NPAS1: variants seen among roughly 807,000 people sequenced by gnomAD.
NPAS1 encodes neuronal PAS domain protein 1.
A neutral mutation model predicts 49.2 loss-of-function variants in NPAS1; 29 were observed. The observed-to-expected ratio is 0.59, with a 90% confidence interval of 0.44 to 0.80. The LOEUF (loss-of-function observed/expected upper bound fraction) is 0.80, where lower values mean the gene tolerates loss of function less well. NPAS1 is among the 30% of genes least tolerant of loss of function. The probability of loss-of-function intolerance (pLI) is 0.00; values close to 1 mark genes in which losing one functional copy is unlikely to be tolerated. For missense variants in NPAS1, 825 were observed against 835.5 expected (o/e 0.99, Z 0.15); for synonymous variants, 408 against 380.4 (o/e 1.07, Z -0.84).
intron 3 of NPAS1, among the ~76,000 whole-genome samples, chr19:47,030,000 T>G (rs2122474227): frequency 6.6e-6 from 1 of 152,178 alleles, no homozygotes; most frequent in South Asian, 2.1e-4. Context: ...CTTTCTGTGT[T>G]TTTTGTTTTG....
rs913166682 is a variant in NPAS1 at position 47,021,532 on chromosome 19, G to C, written c.123-80G>C. ...CGTCCCGTCCCGTTCCCAAGGCCCC[G>C]GGAGGCGGGGCTCGCCCCCAGTTCC... On this transcript the variant is annotated intron_variant, in intron 2 of 11. Transcript: ENST00000602212. This position sits in a 1 kb window ranked among gnomAD's most constrained non-coding sequence, Gnocchi z 5.7. 1.0e-4 allele frequency: 99 copies of C among 976,128 alleles called. No homozygotes were observed. Among genetic ancestry groups the C allele is most frequent in the Non-Finnish European group, 1.4e-4 (97 of 698,788 alleles). The allele number at this position is 976,128 out of a possible 1,614,324, so 60.5% of individuals were successfully genotyped here. A position where few individuals can be genotyped will look rare whatever the true frequency, so the allele number is the denominator to read the frequency against.
intron 6 of NPAS1, among the ~76,000 whole-genome samples, chr19:47,036,510 G>A (rs976468453): frequency 6.6e-6 from 1 of 152,178 alleles, no homozygotes; most frequent in African/African-American, 2.4e-5. Context: ...GGAGGCCCAG[G>A]GGGGCGGATC....
At chr19:47,041,325 C>A (rs1455853660) in intron 10 of NPAS1, among the ~76,000 whole-genome samples, 200 bp downstream of exon 10, 1 of 151,994 alleles carries the variant, frequency 6.6e-6, no homozygotes, top group East Asian at 1.9e-4. Flanking sequence ...AGAGAGGAGT[C>A]GCCAGGGGGA....
intron 5 of NPAS1, among the ~76,000 whole-genome samples, chr19:47,034,319 A>C (rs1331344254): frequency 2.0e-5 from 3 of 151,100 alleles, no homozygotes; most frequent in Non-Finnish European, 4.4e-5. Context: ...CGTCTCAAAA[A>C]AAAAAAAAAA....
intron 1 of NPAS1, chr19:47,020,752 C>T: frequency 5.1e-6 from 1 of 196,240 alleles, no homozygotes; most frequent in East Asian, 1.4e-4. Flanking sequence ...GGAGCCGGCC[C>T]GGCGCGGGCG....
intron 11 of NPAS1, among the ~76,000 whole-genome samples, chr19:47,043,210 C>T (rs1444814961): frequency 2.0e-5 from 3 of 149,114 alleles, no homozygotes; most frequent in Non-Finnish European, 4.4e-5. Flanking sequence ...GCAGGAGAAT[C>T]GCTTGAACCC....
At chr19:47,042,318 C>G (rs2057030745) in intron 10 of NPAS1, among the ~76,000 whole-genome samples, 1 of 152,068 alleles carries the variant, frequency 6.6e-6, no homozygotes, top group Non-Finnish European at 1.5e-5. Flanking sequence ...CAAAAACAAG[C>G]AAGCAAACAA....
At chr19:47,024,120 T>TA (rs1232219361) in intron 3 of NPAS1, among the ~76,000 whole-genome samples, 1 of 150,988 alleles carries the variant, frequency 6.6e-6, no homozygotes, top group African/African-American at 2.4e-5. Context: ...TATATAAAAA[T>TA]AAAAATAAAT....
chr19:47,040,868 T>C, intron 9 of NPAS1, 110 bp from the exon 10 acceptor site: 1 of 912,042 alleles, frequency 1.1e-6, no homozygotes, highest in Non-Finnish European at 1.6e-6. Flanking sequence ...ACCGTCTCCC[T>C]GCCCACTCCC....
At chr19:47,037,281 G>A (rs1021998828) in intron 6 of NPAS1, among the ~76,000 whole-genome samples, 2 of 145,730 alleles carry the variant, frequency 1.4e-5, no homozygotes, top group African/African-American at 5.1e-5. Context: ...AACCTGGGAG[G>A]TGGAGGTTGC....
chr19:47,039,207 G>A (rs2056992261), intron 7 of NPAS1, 56 bp downstream of exon 7: 1 of 1,524,998 alleles, frequency 6.6e-7, no homozygotes, highest in African/African-American at 1.4e-5. Flanking sequence ...CCAGATTGAG[G>A]GTGACCGAGG....
rs963362094 is a variant in NPAS1 at position 47,021,332 on chromosome 19, C to G, written c.122+163C>G. 6.6e-6 allele frequency among the ~76,000 whole-genome samples: 1 copy of G among 152,228 alleles called. No individual in the cohort carries two copies. The highest frequency in any genetic ancestry group is 1.5e-5 in the Non-Finnish European group (1 of 68,040). ...GTTAACTACCGTCCTGAGCCCGGTC[C>G]CCTGCGTTCTGCTTCTAGTCCCGGT... On this transcript the variant is annotated intron_variant, in intron 2 of 11. Coordinates refer to ENST00000602212, the MANE Select transcript of NPAS1 (RefSeq NM_002517.4). The surrounding 1 kb of genome is among the most constrained non-coding windows in gnomAD (Gnocchi z 5.7).
intron 6 of NPAS1, among the ~76,000 whole-genome samples, chr19:47,037,733 C>T (rs1054763658): frequency 1.3e-5 from 2 of 152,124 alleles, no homozygotes; most frequent in Admixed American, 1.3e-4. Flanking sequence ...TGCTTGCAAG[C>T]GTGGGGCGAA....
At chr19:47,035,897 C>T in intron 5 of NPAS1, 67 bp from the exon 6 acceptor site, 1 of 1,443,668 alleles carries the variant, frequency 6.9e-7, no homozygotes, top group Non-Finnish European at 9.1e-7. Context: ...AGGCTGAGCC[C>T]AGAGGGCGAG....
At chr19:47,026,980 T>C (rs1306215095) in intron 3 of NPAS1, among the ~76,000 whole-genome samples, 1 of 148,844 alleles carries the variant, frequency 6.7e-6, no homozygotes, top group African/African-American at 2.5e-5. Context: ...AGAGAGAGAA[T>C]GGTGGCATGA....
rs769738666 is a variant in NPAS1, at chr19:47,021,842, G to T, written c.353G>T (p.Gly118Val). The T allele has an allele frequency of 3.4e-6, 5 of 1,491,554 alleles. No individual in the cohort carries two copies. Among genetic ancestry groups the T allele is most frequent in the Non-Finnish European group, 4.4e-6 (5 of 1,126,074 alleles). The allele number at this position is 1,491,554 out of a possible 1,614,324, so 92.4% of individuals were successfully genotyped here. A position where few individuals can be genotyped will look rare whatever the true frequency, so the allele number is the denominator to read the frequency against. Reference protein sequence around the residue: ...WGLRAAGPPAGLAPGRRGPAA... With the variant: ...WGLRAAGPPAVLAPGRRGPAA... The stretch of plus-strand genomic sequence containing the variant: ...CTGAGAGCCGCGGGGCCGCCAGCTG[G>T]CCTCGGTGAGTGCTCATGCGCGGGG... Residue 118 changes from glycine (G) to valine (V), a missense_variant, in exon 3 of 12, where the codon GGC (glycine) becomes GTC (valine). Coordinates refer to ENST00000602212, the MANE Select transcript of NPAS1 (RefSeq NM_002517.4). This position sits in a 1 kb window ranked among gnomAD's most constrained non-coding sequence, Gnocchi z 5.7.
intron 5 of NPAS1, among the ~76,000 whole-genome samples, chr19:47,033,760 C>T (rs1461792162): frequency 1.3e-5 from 2 of 151,564 alleles, no homozygotes; most frequent in African/African-American, 2.4e-5. Flanking sequence ...GAATTCAAAA[C>T]CAGCCTGGGC....
Position 47,045,318 on chromosome 19 carries a change from CGAG to C in NPAS1, c.1443_1445del (p.Glu481del). ...CCAAAGGCTCCGAGGACAGTGGCGA[CGAG>C]GATCCCTCCAGCCACCCGGCCACAC... On this transcript the variant is annotated inframe_deletion, in exon 12 of 12. Transcript: ENST00000602212. The C allele has an allele frequency of 1.2e-6, 2 of 1,613,990 alleles. No individual in the cohort carries two copies. The highest frequency in any genetic ancestry group is 1.7e-6 in the Non-Finnish European group (2 of 1,180,016).
At chr19:47,043,416 C>G (rs1336070632) in intron 11 of NPAS1, among the ~76,000 whole-genome samples, 3 of 151,726 alleles carry the variant, frequency 2.0e-5, no homozygotes. Flanking sequence ...GGTGAAACCC[C>G]ATCTCTACTA....
Sources: gnomAD v4.1 joint callset for allele counts (sites outside exome capture counted in the v4.1 genomes callset) on GRCh38, gnomAD v4.1.1 for gene constraint, Gnocchi (gnomAD v3.1) non-coding constraint, MANE v1.5 for transcripts, NCBI Gene and HGNC (gene_info 2026-07-23, HGNC 2026-07-21) for gene names.